PNPLA1: variants seen among roughly 807,000 people sequenced by gnomAD.
The protein encoded by PNPLA1 is omega-hydroxyceramide transacylase.
A neutral mutation model predicts 51.7 loss-of-function variants in PNPLA1; 36 were observed. The observed-to-expected ratio is 0.70, with a 90% confidence interval of 0.53 to 0.92. The LOEUF (loss-of-function observed/expected upper bound fraction) is 0.92, where lower values mean the gene tolerates loss of function less well. PNPLA1 is among the 40% of genes least tolerant of loss of function. The pLI, the probability that PNPLA1 is intolerant of heterozygous loss-of-function variation, is 0.00. For synonymous variants in PNPLA1, 293 were observed against 280.1 expected, an observed-to-expected ratio of 1.05 and a Z score of -0.46; for missense variants, 658 against 682.5, an observed-to-expected ratio of 0.96 and a Z score of 0.40.
chr6:36,265,787 T>C (rs184713500), upstream of PNPLA1, among the ~76,000 whole-genome samples: 1 of 152,310 alleles, frequency 6.6e-6, no homozygotes, highest in African/African-American at 2.4e-5. Flanking sequence ...CCAGGGTTTT[T>C]CTTGCTTTCT....
chr6:36,265,294 T>G (rs1769737860), upstream of PNPLA1, among the ~76,000 whole-genome samples: 2 of 152,070 alleles, frequency 1.3e-5, no homozygotes, highest in African/African-American at 4.8e-5. Context: ...TGAGCCGAGA[T>G]AGTGCCATTG....
At chr6:36,272,554 T>C (rs531577593) in intron 1 of PNPLA1, among the ~76,000 whole-genome samples, 1 of 152,236 alleles carries the variant, frequency 6.6e-6, no homozygotes, top group East Asian at 1.9e-4. Context: ...ATACCTGACA[T>C]ATGGCAAGTG....
chr6:36,259,361 C>T (rs1404367054), intron 1 of PNPLA1, among the ~76,000 whole-genome samples: 3 of 151,852 alleles, frequency 2.0e-5, no homozygotes, highest in African/African-American at 2.4e-5. Flanking sequence ...CCAAAACCAT[C>T]GATTATCTGC....
chr6:36,285,464 A>T (rs1166050910), intron 1 of PNPLA1, among the ~76,000 whole-genome samples: 1 of 152,202 alleles, frequency 6.6e-6, no homozygotes. Context: ...AGCAGCTTAA[A>T]TTATCAGCCC....
chr6:36,244,520 A>T (rs1056319823), intron 1 of PNPLA1, among the ~76,000 whole-genome samples: 4 of 151,746 alleles, frequency 2.6e-5, no homozygotes, highest in Non-Finnish European at 5.9e-5. Flanking sequence ...TATTTGGTGG[A>T]TGTAGAGGGG....
intron 2 of PNPLA1, 86 bp downstream of exon 2, chr6:36,291,638 C>T: frequency 8.8e-7 from 1 of 1,140,978 alleles, no homozygotes. Context: ...AACCCGATGC[C>T]TTATCCACCT....
chr6:36,299,290 T>C (rs1040747325), intron 5 of PNPLA1, among the ~76,000 whole-genome samples: 1 of 152,112 alleles, frequency 6.6e-6, no homozygotes, highest in African/African-American at 2.4e-5. Flanking sequence ...GGATGAGCGT[T>C]CCCATTCCTC....
chr6:36,265,083 G>A (rs1358941480), upstream of PNPLA1, among the ~76,000 whole-genome samples: 2 of 152,226 alleles, frequency 1.3e-5, no homozygotes, highest in East Asian at 1.9e-4. Flanking sequence ...GCTCATGTCT[G>A]TAATCCGAGC....
chr6:36,243,527 C>T (rs1178904970), intron 1 of PNPLA1, among the ~76,000 whole-genome samples: 1 of 152,186 alleles, frequency 6.6e-6, no homozygotes, highest in Non-Finnish European at 1.5e-5. Context: ...GGAATTGGCC[C>T]TGCACCAGAA....
upstream of PNPLA1, among the ~76,000 whole-genome samples, chr6:36,266,545 G>A (rs1224077636): frequency 6.6e-6 from 1 of 152,174 alleles, no homozygotes; most frequent in African/African-American, 2.4e-5. Flanking sequence ...CAGAGTCCCT[G>A]TTACTTCTCA....
At chr6:36,244,343 T>C (rs1363945220) in intron 1 of PNPLA1, among the ~76,000 whole-genome samples, 1 of 152,134 alleles carries the variant, frequency 6.6e-6, no homozygotes, top group African/African-American at 2.4e-5. Flanking sequence ...ATAGATATTC[T>C]TCCCCATTTT....
chr6:36,256,162 A>G (rs1769528795), intron 1 of PNPLA1, among the ~76,000 whole-genome samples: 1 of 152,178 alleles, frequency 6.6e-6, no homozygotes, highest in African/African-American at 2.4e-5. Context: ...AGATTTTCCT[A>G]AGTGTGCTTG....
At chr6:36,269,754 G>A (rs1275381105), upstream of PNPLA1, among the ~76,000 whole-genome samples, 1 of 152,148 alleles carries the variant, frequency 6.6e-6, no homozygotes, top group Non-Finnish European at 1.5e-5. Context: ...TTTACCCAGG[G>A]CCAATGCTAA....
chr6:36,282,998 T>A (rs577686972), intron 1 of PNPLA1, among the ~76,000 whole-genome samples: 15 of 152,296 alleles, frequency 9.8e-5, no homozygotes, highest in Middle Eastern at 3.4e-3. Context: ...TGTGTTTTTT[T>A]AAAAATTTAA....
In PNPLA1 at chr6:36,284,057, C is replaced by T. The variant is rs142765731; in HGVS notation, c.206-7263C>T. Among the ~76,000 whole-genome samples the T allele has an allele frequency of 7.3e-3, 1,118 of 152,298 alleles. 8 individuals are homozygous for T. The highest frequency in any genetic ancestry group is 0.013 in the Admixed American group (201 of 15,306). ...TCTGCCTGTTTCACCTCAGGGTGATCAGTAAGAACCTGCAGTGGGATGTTG... is the reference window on the plus strand; with the variant it reads ...TCTGCCTGTTTCACCTCAGGGTGATTAGTAAGAACCTGCAGTGGGATGTTG... On this transcript the variant is annotated intron_variant, in intron 1 of 8. Coordinates refer to ENST00000636260, the MANE Select transcript of PNPLA1 (RefSeq NM_001374623.1).
chr6:36,301,900 TC>T lies in PNPLA1; in HGVS notation c.820del (p.Arg274GlyfsTer8), dbSNP rs1170446813. 2 of 1,614,164 alleles carry T rather than the reference TC, an allele frequency of 1.2e-6. No homozygotes were observed. The highest frequency in any genetic ancestry group is 1.7e-5 in the Admixed American group (1 of 60,024). Reference protein sequence around the residue: ...YLNSSSKRVIFPRVEVYCQIE... With the variant: ...YLNSSSKRVIXPRVEVYCQIE... ...AATTCTTCCTCCAAGAGAGTGATTT[TC>T]CCCCGGGTGGAAGTGTACTGCCAGA... On this transcript the variant is annotated frameshift_variant, in exon 6 of 9. Coordinates refer to ENST00000636260, the MANE Select transcript of PNPLA1 (RefSeq NM_001374623.1). LOFTEE classifies it high-confidence loss of function.
intron 1 of PNPLA1, among the ~76,000 whole-genome samples, chr6:36,277,540 C>A (rs1173005518): frequency 1.1e-4 from 17 of 152,172 alleles, no homozygotes; most frequent in Admixed American, 1.1e-3. Flanking sequence ...GAAACTCTGC[C>A]CCTGCCTGAG....
intron 1 of PNPLA1, chr6:36,243,389 T>C (rs1769183764): frequency 6.6e-6 from 1 of 152,004 alleles, no homozygotes; most frequent in African/African-American, 2.4e-5. Context: ...TTTGGACATG[T>C]TTGGGAACCA....
At chr6:36,283,584 C>T (rs918411275) in intron 1 of PNPLA1, among the ~76,000 whole-genome samples, 33 of 152,000 alleles carry the variant, frequency 2.2e-4, no homozygotes, top group Admixed American at 2.6e-4. Flanking sequence ...CACTTAAGCC[C>T]GGGAGTTCAA....
Sources: gnomAD v4.1 joint callset for allele counts (sites outside exome capture counted in the v4.1 genomes callset) on GRCh38, gnomAD v4.1.1 for gene constraint, MANE v1.5 for transcripts, NCBI Gene and HGNC (gene_info 2026-07-23, HGNC 2026-07-21) for gene names.